TRAPPC9: variants seen among roughly 807,000 people sequenced by gnomAD.
TRAPPC9 encodes trafficking protein particle complex subunit 9.
TRAPPC9 carries 83 observed loss-of-function variants against 124.0 expected under a neutral mutation model. The observed-to-expected ratio is 0.67, with a 90% CI of 0.56 to 0.80. The LOEUF is 0.80. Ranked by LOEUF, TRAPPC9 falls within the 30% of genes least tolerant of loss-of-function variation. The pLI is 0.00. For synonymous variants in TRAPPC9, 638 were observed against 617.5 expected (o/e 1.03, Z -0.49); for missense variants, 1,302 against 1,508.3 (o/e 0.86, Z 2.27).
intron 16 of TRAPPC9, among the ~76,000 whole-genome samples, chr8:140,235,851 C>T (rs1433204018): frequency 6.6e-6 from 1 of 152,190 alleles, no homozygotes; most frequent in Non-Finnish European, 1.5e-5. Flanking sequence ...ACATGTTCAT[C>T]ACAAGTATAA....
At chr8:140,404,003 A>T (rs1163967708) in intron 6 of TRAPPC9, among the ~76,000 whole-genome samples, 1 of 152,176 alleles carries the variant, frequency 6.6e-6, no homozygotes, top group Non-Finnish European at 1.5e-5. Context: ...ACTTCTAGGA[A>T]TTGTTCCCTT....
At chr8:139,976,040 C>T (rs959469049) in intron 19 of TRAPPC9, among the ~76,000 whole-genome samples, 1 of 151,258 alleles carries the variant, frequency 6.6e-6, no homozygotes, top group South Asian at 2.1e-4. Context: ...TACAGGCGCC[C>T]GCCACCTCGC....
At chr8:140,229,629 C>T (rs995582804) in intron 16 of TRAPPC9, among the ~76,000 whole-genome samples, 14 of 150,372 alleles carry the variant, frequency 9.3e-5, no homozygotes, top group African/African-American at 2.0e-4. Context: ...AGTGTAGCGG[C>T]GCGATCTCGG....
intron 17 of TRAPPC9, among the ~76,000 whole-genome samples, chr8:140,092,873 C>T (rs1197878765): frequency 6.6e-6 from 1 of 152,202 alleles, no homozygotes; most frequent in Non-Finnish European, 1.5e-5. Context: ...ATTCTAGGCT[C>T]AGTCACTTAG....
At chr8:140,358,696 G>A (rs1328587638) in intron 9 of TRAPPC9, among the ~76,000 whole-genome samples, 2 of 152,222 alleles carry the variant, frequency 1.3e-5, no homozygotes, top group Non-Finnish European at 2.9e-5. Flanking sequence ...GCCAGGACAT[G>A]AGACTGAGGG....
At position 139,728,985 on chromosome 8, in the gene TRAPPC9, T is replaced by C. The variant is rs1817678696; in HGVS notation, c.*2076A>G. 6.6e-6 allele frequency among the ~76,000 whole-genome samples: 1 copy of C among 152,232 alleles called. No individual in the cohort carries two copies. The highest frequency in any genetic ancestry group is 2.4e-5 in the African/African-American group (1 of 41,448). On this transcript the variant is annotated 3_prime_UTR_variant, in exon 23 of 23. Coordinates refer to ENST00000438773, the MANE Select transcript of TRAPPC9 (RefSeq NM_001160372.4). ...GTTTTCCATATTGGCTTTTCTAGGCTTCTATATGCATCTATATCTAATCTG... is the reference window on the plus strand; with the variant it reads ...GTTTTCCATATTGGCTTTTCTAGGCCTCTATATGCATCTATATCTAATCTG...
At chr8:140,288,319 G>C (rs946969191) in intron 12 of TRAPPC9, among the ~76,000 whole-genome samples, 1 of 152,216 alleles carries the variant, frequency 6.6e-6, no homozygotes, top group African/African-American at 2.4e-5. Flanking sequence ...GTGGGGGACA[G>C]AGTGAGACCC....
chr8:140,107,010 C>T (rs2060678875), intron 17 of TRAPPC9, among the ~76,000 whole-genome samples: 1 of 152,202 alleles, frequency 6.6e-6, no homozygotes, highest in South Asian at 2.1e-4. Flanking sequence ...CGCCAGAAGT[C>T]TAAGAACCTC....
At chr8:140,127,922 A>T (rs532852745) in intron 17 of TRAPPC9, among the ~76,000 whole-genome samples, 1 of 152,390 alleles carries the variant, frequency 6.6e-6, no homozygotes, top group Non-Finnish European at 1.5e-5. Context: ...CATAAATTCT[A>T]AAGCATAAAT....
intron 17 of TRAPPC9, among the ~76,000 whole-genome samples, chr8:140,066,957 G>T (rs1842922256): frequency 6.6e-6 from 1 of 152,192 alleles, no homozygotes; most frequent in Non-Finnish European, 1.5e-5. Flanking sequence ...CCCTCTCCAG[G>T]TTCCAGCTGT....
chr8:140,231,997 C>T (rs1283565366), intron 16 of TRAPPC9, among the ~76,000 whole-genome samples: 3 of 152,104 alleles, frequency 2.0e-5, no homozygotes, highest in African/African-American at 7.2e-5. Flanking sequence ...TGGTCTCGAA[C>T]TCCTGACCTC....
intron 17 of TRAPPC9, among the ~76,000 whole-genome samples, chr8:140,210,548 C>T (rs1259774783): frequency 6.6e-6 from 1 of 152,140 alleles, no homozygotes; most frequent in Non-Finnish European, 1.5e-5. Context: ...CCCACGCCCC[C>T]GCTAGCTTCA....
rs191010882 is a variant in TRAPPC9 at position 139,808,866 on chromosome 8, A to C, written c.3056-76664T>G. On this transcript the variant is annotated intron_variant, in intron 21 of 22. Coordinates refer to ENST00000438773, the MANE Select transcript of TRAPPC9 (RefSeq NM_001160372.4). ...ACATTTTATCCATCAGCTGATGGATAGGTAAACAAAAACACTTGAGCTGGC... is the reference window on the plus strand; with the variant it reads ...ACATTTTATCCATCAGCTGATGGATCGGTAAACAAAAACACTTGAGCTGGC... Among the ~76,000 whole-genome samples the C allele has an allele frequency of 8.5e-5, 13 of 152,340 alleles. No individual in the cohort carries two copies. The East Asian group carries it at 2.5e-3, about 29-fold the overall frequency.
At chr8:140,233,567 A>T (rs2063654540) in intron 16 of TRAPPC9, among the ~76,000 whole-genome samples, 1 of 144,392 alleles carries the variant, frequency 6.9e-6, no homozygotes, top group East Asian at 2.0e-4. Context: ...TCTCACACAC[A>T]CACTTCCTCT....
At chr8:140,266,128 A>G (rs1466404968) in intron 15 of TRAPPC9, among the ~76,000 whole-genome samples, 1 of 151,796 alleles carries the variant, frequency 6.6e-6, no homozygotes, top group East Asian at 1.9e-4. Context: ...AGCAAAAGCA[A>G]GAGTTCACCT....
chr8:140,453,028 G>A (rs537056067), intron 1 of TRAPPC9, among the ~76,000 whole-genome samples: 1 of 152,266 alleles, frequency 6.6e-6, no homozygotes, highest in East Asian at 1.9e-4. Flanking sequence ...AAGGTATATA[G>A]GATCCCTCAG....
intron 17 of TRAPPC9, chr8:140,099,472 G>A (rs983632050): frequency 1.3e-5 from 2 of 151,084 alleles, no homozygotes; most frequent in African/African-American, 4.9e-5. Context: ...TTCCACAGGG[G>A]ACGACGCACA....
At chr8:140,052,792 A>G (rs1413028197) in intron 17 of TRAPPC9, among the ~76,000 whole-genome samples, 1 of 152,012 alleles carries the variant, frequency 6.6e-6, no homozygotes, top group African/African-American at 2.4e-5. Flanking sequence ...AAAAAAAAAA[A>G]AAAATTTAGT....
chr8:139,862,702 GCT>G (rs1828246487), intron 21 of TRAPPC9, among the ~76,000 whole-genome samples: 1 of 152,182 alleles, frequency 6.6e-6, no homozygotes, highest in South Asian at 2.1e-4. Context: ...TGAAGCACCT[GCT>G]CTGTGCATAC....
Sources: allele counts gnomAD v4.1 joint callset (sites outside exome capture counted in the v4.1 genomes callset), GRCh38; gene constraint gnomAD v4.1.1; transcripts MANE v1.5; gene names NCBI Gene and HGNC (gene_info 2026-07-23, HGNC 2026-07-21).